The following PTPRB variants were observed in gnomAD, a reference collection of about 807,000 sequenced individuals.
The protein encoded by PTPRB is receptor-type tyrosine-protein phosphatase beta.
A neutral mutation model predicts 238.1 loss-of-function variants in PTPRB; 97 were observed. That is an observed-to-expected ratio of 0.41 (90% CI 0.35 to 0.48). The LOEUF is 0.48. Among genes scored for constraint, PTPRB ranks in the 20% least tolerant of loss-of-function variants. PTPRB has a pLI of 0.30. For missense variants in PTPRB, 2,292 were observed against 2,681.9 expected (o/e 0.85, Z 3.21); for synonymous variants, 970 against 995.4 (o/e 0.97, Z 0.48).
At chr12:70,539,106 T>A (rs576494578) in intron 26 of PTPRB, 92 bp from the exon 27 acceptor site, 1 of 974,218 alleles carries the variant, frequency 1.0e-6, no homozygotes, top group African/African-American at 1.6e-5. Context: ...AACATGAAAA[T>A]ATATACACTA....
At chr12:70,554,688 G>C (rs1877382197) in intron 20 of PTPRB, among the ~76,000 whole-genome samples, 1 of 152,176 alleles carries the variant, frequency 6.6e-6, no homozygotes, top group Non-Finnish European at 1.5e-5. Context: ...GGTTATTTTT[G>C]TGACTTGGTG....
intron 10 of PTPRB, 150 bp from the exon 11 acceptor site, chr12:70,576,795 A>G (rs1424946175): frequency 1.3e-5 from 8 of 592,598 alleles, no homozygotes; most frequent in Non-Finnish European, 2.1e-5. Context: ...AGGTCAAGGA[A>G]GCGTGAGGAT....
At chr12:70,580,818 CAAA>C (rs367612705) in intron 10 of PTPRB, among the ~76,000 whole-genome samples, 1 of 108,092 alleles carries the variant, frequency 9.3e-6, no homozygotes, top group Non-Finnish European at 2.0e-5. Context: ...AATTCCGTCT[CAAA>C]AAAAAAAAAA....
chr12:70,622,719 C>T (rs768599461), intron 2 of PTPRB, 73 bp from the exon 3 acceptor site: 8 of 1,461,040 alleles, frequency 5.5e-6, no homozygotes, highest in Non-Finnish European at 6.4e-6. Context: ...ATCAATTTTA[C>T]TTAGCAAAAG....
intron 13 of PTPRB, 57 bp downstream of exon 13, chr12:70,570,969 C>G: frequency 6.3e-7 from 1 of 1,578,984 alleles, no homozygotes; most frequent in South Asian, 1.2e-5. Flanking sequence ...CTGAACTACC[C>G]GAAAGTTAAA....
intron 2 of PTPRB, among the ~76,000 whole-genome samples, chr12:70,626,329 A>G (rs1885185830): frequency 7.0e-6 from 1 of 142,110 alleles, no homozygotes; most frequent in African/African-American, 2.9e-5. Flanking sequence ...CTATCTATCT[A>G]TCTATCTATC....
rs754562518 is a variant in PTPRB, at chr12:70,560,892, G to A, written c.4211C>T (p.Thr1404Met). Residue 1404 changes from threonine (T) to methionine (M), a missense_variant, in exon 17 of 34, where the codon ACG (threonine) becomes ATG (methionine). Physicochemically the swap from Thr to Met is moderately conservative, Grantham distance 81. Coordinates refer to ENST00000334414, the MANE Select transcript of PTPRB (RefSeq NM_001109754.4). The surrounding 1 kb of genome is among the most constrained non-coding windows in gnomAD (Gnocchi z 4.2). ...CCAGTTGAACCAAAGGCTGTCTGTC[G>A]TGTTCCGATTGGACCCCCTGAGATG... ...VSHLRGSNRNTTDSLWFNWSP... is the reference protein window; with the variant it reads ...VSHLRGSNRNMTDSLWFNWSP... 102 of 1,613,448 alleles carry A rather than the reference G, an allele frequency of 6.3e-5. No individual in the cohort carries two copies. Among genetic ancestry groups the A allele is most frequent in the Middle Eastern group, 1.6e-4 (1 of 6,062 alleles).
At position 70,626,785 on chromosome 12, in the gene PTPRB, G is replaced by T. The variant is rs537010574; in HGVS notation, c.452-4139C>A. On this transcript the variant is annotated intron_variant, in intron 2 of 33. Coordinates refer to ENST00000334414, the MANE Select transcript of PTPRB (RefSeq NM_001109754.4). ...ACTGTACACACACACATACACACGT[G>T]TGTGTGTGTGCATTAAATAAGACTT... Among the ~76,000 whole-genome samples, 10 of 151,810 alleles carry T rather than the reference G, an allele frequency of 6.6e-5. No homozygotes were observed. In the South Asian group the frequency reaches 2.1e-3, roughly 32 times the overall value.
At chr12:70,607,409 A>T (rs1027743178) in intron 4 of PTPRB, among the ~76,000 whole-genome samples, 14 of 152,340 alleles carry the variant, frequency 9.2e-5, no homozygotes, top group Non-Finnish European at 1.8e-4. Context: ...ATTTATAAGA[A>T]CTATCCTGTA....
chr12:70,560,268 C>T lies in PTPRB; in HGVS notation c.4432+403G>A, dbSNP rs1033122476. ...ATCAGATTTTGGGGTACAGGGCTGA[C>T]GTCCACAGACAATTATGTTCAGTTG... On this transcript the variant is annotated intron_variant, in intron 17 of 33. Coordinates refer to ENST00000334414, the MANE Select transcript of PTPRB (RefSeq NM_001109754.4). The surrounding 1 kb of genome is among the most constrained non-coding windows in gnomAD (Gnocchi z 4.2). Among the ~76,000 whole-genome samples the T allele has an allele frequency of 3.3e-5, 5 of 152,156 alleles. No individual in the cohort carries two copies. The highest frequency in any genetic ancestry group is 2.1e-4 in the South Asian group (1 of 4,836).
At chr12:70,529,560 G>C (rs2136215124) in intron 32 of PTPRB, among the ~76,000 whole-genome samples, 1 of 152,182 alleles carries the variant, frequency 6.6e-6, no homozygotes, top group East Asian at 1.9e-4. Flanking sequence ...AAAATATTGA[G>C]GATATAGAAG....
chr12:70,636,630 A>G (rs758603471), intron 1 of PTPRB, among the ~76,000 whole-genome samples: 2 of 152,096 alleles, frequency 1.3e-5, no homozygotes, highest in Non-Finnish European at 2.9e-5. Context: ...TCCAAGCACA[A>G]CCTCCTAGCT....
At position 70,592,287 on chromosome 12, in the gene PTPRB, C is replaced by G. The variant is rs1193645210; in HGVS notation, c.1775G>C (p.Arg592Thr). ...ELSAQKMAVGRTFPDKVANLE... is the reference protein window; with the variant it reads ...ELSAQKMAVGTTFPDKVANLE... Reference sequence around the variant, plus strand: ...TTCTGGAGCCCAAGACTCACATGTTCTGCCCACTGCCATCTTCTGAGCAGA... The same window carrying G: ...TTCTGGAGCCCAAGACTCACATGTTGTGCCCACTGCCATCTTCTGAGCAGA... The change falls in exon 7 of 34, where the codon AGA becomes ACA. Residue 592 changes from arginine to threonine, a missense_variant. Arg to Thr is a moderately conservative substitution (Grantham distance 71). Transcript: ENST00000334414. 1 of 1,613,992 alleles carries G rather than the reference C, an allele frequency of 6.2e-7. No homozygotes were observed. Among genetic ancestry groups the G allele is most frequent in the Non-Finnish European group, 8.5e-7 (1 of 1,179,884 alleles).
chr12:70,635,509 C>T (rs933624815), intron 2 of PTPRB, among the ~76,000 whole-genome samples, 162 bp downstream of exon 2: 10 of 152,148 alleles, frequency 6.6e-5, no homozygotes, highest in Admixed American at 3.9e-4. Context: ...TCATTGGGCA[C>T]GTCACCATCC....
rs370317655 is a variant in PTPRB, at chr12:70,622,644, C to T, written c.454G>A (p.Gly152Ser). The T allele has an allele frequency of 7.0e-5, 109 of 1,558,664 alleles. No individual in the cohort carries two copies. Among genetic ancestry groups the T allele is most frequent in the Middle Eastern group, 5.0e-4 (3 of 5,962 alleles). The change falls in exon 3 of 34, where the codon GGC becomes AGC. Residue 152 changes from glycine (G) to serine (S), a missense_variant and splice_region_variant. Transcript: ENST00000334414. ...VNESLCLQKA[G>S]LGAEVSVRST... Reference sequence around the variant, plus strand: ...CTCACCGAAACTTCTGCTCCCAGGCCAGCTGAGGTAAAGAAAAGATAGTTG... The same window carrying T: ...CTCACCGAAACTTCTGCTCCCAGGCTAGCTGAGGTAAAGAAAAGATAGTTG...
At chr12:70,619,296 GTGA>G (rs759778032) in intron 3 of PTPRB, among the ~76,000 whole-genome samples, 7 of 92,516 alleles carry the variant, frequency 7.6e-5, no homozygotes, top group African/African-American at 1.4e-4. Context: ...GGTGGTGGTG[GTGA>G]TGATGATGAT....
chr12:70,524,941 A>ATATATATGTGTATATATGTATGTG (rs1872187979), intron 32 of PTPRB, among the ~76,000 whole-genome samples: 3 of 148,254 alleles, frequency 2.0e-5, no homozygotes, highest in Non-Finnish European at 4.4e-5. Context: ...ATATGTATGT[A>ATATATATGTGTATATATGTATGTG]TATATATGTG....
intron 4 of PTPRB, among the ~76,000 whole-genome samples, chr12:70,598,971 G>C (rs1883255379): frequency 6.6e-6 from 1 of 152,136 alleles, no homozygotes; most frequent in African/African-American, 2.4e-5. Context: ...ATGAGACTGG[G>C]AAGTGCCTGG....
rs11837157 is a variant in PTPRB at position 70,582,821 on chromosome 12, C to T, written c.2312-1519G>A. Among the ~76,000 whole-genome samples the T allele has an allele frequency of 6.8e-3, 1,030 of 151,872 alleles. 7 individuals are homozygous for T. Among genetic ancestry groups the T allele is most frequent in the African/African-American group, 0.023 (960 of 41,454 alleles). ...TAAATTGGACATCAAAATGAAAAAC[C>T]GACAGAAAACATTTTGACCAAGGAC... On this transcript the variant is annotated intron_variant, in intron 9 of 33. Coordinates refer to ENST00000334414, the MANE Select transcript of PTPRB (RefSeq NM_001109754.4).
Sources: allele counts gnomAD v4.1 joint callset (sites outside exome capture counted in the v4.1 genomes callset), GRCh38; gene constraint gnomAD v4.1.1; non-coding constraint Gnocchi (gnomAD v3.1); transcripts MANE v1.5; gene names NCBI Gene and HGNC (gene_info 2026-07-23, HGNC 2026-07-21).